CDC42BPA: variants seen among roughly 807,000 people sequenced by gnomAD.
The protein encoded by CDC42BPA is serine/threonine-protein kinase MRCK alpha.
A neutral mutation model predicts 223.5 loss-of-function variants in CDC42BPA; 80 were observed. The observed-to-expected ratio is 0.36, with a 90% CI of 0.30 to 0.43. The LOEUF is 0.43. Ranked by LOEUF, CDC42BPA falls within the 20% of genes least tolerant of loss-of-function variation. The pLI, the probability that CDC42BPA is intolerant of heterozygous loss-of-function variation, is 1.00. For synonymous variants in CDC42BPA, 694 were observed against 718.6 expected (o/e 0.97, Z 0.55); for missense variants, 1,743 against 2,099.9 (o/e 0.83, Z 3.32).
chr1:227,298,356 A>AT (rs78547197), intron 1 of CDC42BPA, among the ~76,000 whole-genome samples: 14,791 of 151,838 alleles, frequency 0.097, 1,162 homozygotes, highest in East Asian at 0.36. Context: ...AACTTGAGGC[A>AT]TTTTTTTTGT....
intron 1 of CDC42BPA, among the ~76,000 whole-genome samples, chr1:227,276,723 T>C (rs1311919691): frequency 6.6e-6 from 1 of 152,240 alleles, no homozygotes; most frequent in Non-Finnish European, 1.5e-5. Flanking sequence ...CATTTTGTTC[T>C]ATACTAAGAA....
intron 10 of CDC42BPA, among the ~76,000 whole-genome samples, chr1:227,138,909 A>G (rs1160500640): frequency 6.6e-6 from 1 of 152,214 alleles, no homozygotes; most frequent in Non-Finnish European, 1.5e-5. Context: ...TAGCAGAGTT[A>G]AACGGTGATA....
At chr1:226,997,270 G>T (rs1484866794) in intron 35 of CDC42BPA, among the ~76,000 whole-genome samples, 1 of 152,086 alleles carries the variant, frequency 6.6e-6, no homozygotes, top group Non-Finnish European at 1.5e-5. Flanking sequence ...TTCTTTGATG[G>T]TAGTTTCTAT....
intron 2 of CDC42BPA, among the ~76,000 whole-genome samples, chr1:227,217,115 A>G (rs1674993135): frequency 6.6e-6 from 1 of 152,144 alleles, no homozygotes; most frequent in African/African-American, 2.4e-5. Flanking sequence ...GTCTTCCTGC[A>G]TATAGCAAGA....
At chr1:227,260,671 G>C (rs1045114047) in intron 1 of CDC42BPA, among the ~76,000 whole-genome samples, 23 of 151,288 alleles carry the variant, frequency 1.5e-4, no homozygotes, top group East Asian at 7.7e-4. Context: ...GAAGAGAACA[G>C]AGAGTGCTGG....
intron 15 of CDC42BPA, among the ~76,000 whole-genome samples, chr1:227,099,197 T>A (rs1258710666): frequency 6.6e-6 from 1 of 152,180 alleles, no homozygotes; most frequent in Non-Finnish European, 1.5e-5. Context: ...TTTATATATT[T>A]ACTATACTTC....
At chr1:227,017,252 A>G (rs61834008) in intron 32 of CDC42BPA, among the ~76,000 whole-genome samples, 32,974 of 152,000 alleles carry the variant, frequency 0.22, 3,830 homozygotes, top group African/African-American at 0.26. Flanking sequence ...AACATAGCTT[A>G]CAAAATATAC....
chr1:227,223,115 T>A (rs1676229163), intron 2 of CDC42BPA, among the ~76,000 whole-genome samples: 2 of 152,208 alleles, frequency 1.3e-5, no homozygotes, highest in Non-Finnish European at 2.9e-5. Context: ...AGTATGTGAA[T>A]ACGTATGTTA....
At chr1:227,094,455 C>G (rs971082690) in intron 15 of CDC42BPA, among the ~76,000 whole-genome samples, 1 of 152,194 alleles carries the variant, frequency 6.6e-6, no homozygotes, top group African/African-American at 2.4e-5. Flanking sequence ...GCCTGTCAAA[C>G]AACTTTGTAT....
In CDC42BPA at chr1:227,073,919, GT is replaced by G. The variant is rs756770532; in HGVS notation, c.2679del (p.Lys893AsnfsTer8). 1 of 1,611,118 alleles carries G rather than the reference GT, an allele frequency of 6.2e-7. No homozygotes were observed. The highest frequency in any genetic ancestry group is 1.7e-5 in the Admixed American group (1 of 59,060). On this transcript the variant is annotated frameshift_variant, in exon 19 of 37. Transcript: ENST00000366766. LOFTEE classifies it high-confidence loss of function. ...TTATTCAACTCTTCTTGGATGGCCT[GT>G]TTGGCTCTTATTTCTGCATCCAGAG... ...QSALDAEIRA[K>X]QAIQEELNKV...
rs1336360201 is a variant in CDC42BPA at position 227,317,916 on chromosome 1, T to C, written c.-734A>G. The C allele has an allele frequency of 5.0e-6, 2 of 398,432 alleles. No individual in the cohort carries two copies. Among genetic ancestry groups the C allele is most frequent in the Non-Finnish European group, 8.8e-6 (2 of 226,020 alleles). The allele number at this position is 398,432 out of a possible 1,614,324, so 24.7% of individuals were successfully genotyped here. ...TTTCAACGGATTCCGGTGAAAACTC[T>C]TCATTTTCCTCCCGGCTTCACCCTA... On this transcript the variant is annotated 5_prime_UTR_variant, in exon 1 of 37. Coordinates refer to ENST00000366766, the MANE Select transcript of CDC42BPA (RefSeq NM_001394014.1).
At chr1:227,079,717 T>C (rs1465407186) in intron 17 of CDC42BPA, among the ~76,000 whole-genome samples, 2 of 152,078 alleles carry the variant, frequency 1.3e-5, no homozygotes, top group Non-Finnish European at 1.5e-5. Flanking sequence ...TTAAGAGCTC[T>C]TAATGGAAAA....
At chr1:227,304,854 G>A (rs2148767612) in intron 1 of CDC42BPA, among the ~76,000 whole-genome samples, 1 of 152,310 alleles carries the variant, frequency 6.6e-6, no homozygotes, top group South Asian at 2.1e-4. Context: ...GACTATGGTA[G>A]TGGTCACATG....
In CDC42BPA at chr1:227,101,207, G is replaced by A. The variant is rs763733314; in HGVS notation, c.2034C>T (p.Cys678=). ...QKQISYSPGV[C]SIEHQQEITK... is the part of the protein sequence containing the mutation. ...TTATCTCTTGCTGATGTTCTATGCTGCATACTCCTGGTGAGTAACTAATTT... is the reference window on the plus strand; with the variant it reads ...TTATCTCTTGCTGATGTTCTATGCTACATACTCCTGGTGAGTAACTAATTT... The change falls in exon 15 of 37, where the codon TGC becomes TGT. Residue 678 remains cysteine, a synonymous_variant. Coordinates refer to ENST00000366766, the MANE Select transcript of CDC42BPA (RefSeq NM_001394014.1). The A allele has an allele frequency of 6.4e-5, 102 of 1,597,072 alleles. 1 individual carries two copies. In the East Asian group the frequency reaches 2.2e-3, roughly 35 times the overall value.
chr1:227,117,441 T>C (rs1687939240), intron 12 of CDC42BPA, among the ~76,000 whole-genome samples: 1 of 151,904 alleles, frequency 6.6e-6, no homozygotes, highest in African/African-American at 2.4e-5. Flanking sequence ...CTCAGCATCC[T>C]GAGCAGCTGG....
intron 1 of CDC42BPA, among the ~76,000 whole-genome samples, chr1:227,260,093 G>T (rs1683790296): frequency 6.7e-6 from 1 of 149,320 alleles, no homozygotes; most frequent in South Asian, 2.1e-4. Flanking sequence ...TAAATACCTA[G>T]TAAGTGGCAA....
At chr1:227,281,887 C>G (rs1265183732) in intron 1 of CDC42BPA, among the ~76,000 whole-genome samples, 1 of 152,000 alleles carries the variant, frequency 6.6e-6, no homozygotes, top group Non-Finnish European at 1.5e-5. Flanking sequence ...AAAAAGAGTT[C>G]TAATAATTAA....
chr1:227,022,518 A>C (rs947097034), intron 32 of CDC42BPA, among the ~76,000 whole-genome samples: 2 of 152,272 alleles, frequency 1.3e-5, no homozygotes, highest in African/African-American at 4.8e-5. Flanking sequence ...AGAAATTTAC[A>C]AATACTTCTA....
intron 2 of CDC42BPA, among the ~76,000 whole-genome samples, chr1:227,224,781 T>A (rs1055268067): frequency 6.6e-6 from 1 of 152,234 alleles, no homozygotes; most frequent in Non-Finnish European, 1.5e-5. Context: ...AACTGGCAAG[T>A]CCTCTTCTAG....
Sources: gnomAD v4.1 joint callset for allele counts (sites outside exome capture counted in the v4.1 genomes callset) on GRCh38, gnomAD v4.1.1 for gene constraint, MANE v1.5 for transcripts, NCBI Gene and HGNC (gene_info 2026-07-23, HGNC 2026-07-21) for gene names.